GPC5: variants seen among roughly 807,000 people sequenced by gnomAD.
GPC5 encodes glypican 5.
GPC5 carries 47 observed loss-of-function variants against 53.9 expected under a neutral mutation model. The ratio of observed to expected loss-of-function variants is 0.87; its 90% confidence interval spans 0.69 to 1.11. GPC5 has a LOEUF of 1.11. GPC5 is among the 50% of genes most tolerant of loss of function. The probability of loss-of-function intolerance (pLI) is 0.00; values close to 1 mark genes in which losing one functional copy is unlikely to be tolerated. For synonymous variants in GPC5, 286 were observed against 263.3 expected (o/e 1.09, Z -0.84); for missense variants, 748 against 713.1 (o/e 1.05, Z -0.56).
chr13:92,683,395 A>G (rs1887164641), intron 7 of GPC5, among the ~76,000 whole-genome samples: 1 of 152,130 alleles, frequency 6.6e-6, no homozygotes, highest in Admixed American at 6.6e-5. Flanking sequence ...AGTCATGAAG[A>G]AATAGAACAC....
intron 1 of GPC5, among the ~76,000 whole-genome samples, chr13:91,403,265 A>G (rs1877083529): frequency 6.6e-6 from 1 of 152,240 alleles, no homozygotes; most frequent in South Asian, 2.1e-4. Flanking sequence ...AGATTGTAGT[A>G]AAATTAGATT....
intron 5 of GPC5, among the ~76,000 whole-genome samples, chr13:91,840,404 A>C (rs1566297123): frequency 6.6e-6 from 1 of 152,160 alleles, no homozygotes; most frequent in Non-Finnish European, 1.5e-5. Context: ...AAATCAGGTT[A>C]GGGAAGGTGC....
intron 7 of GPC5, among the ~76,000 whole-genome samples, chr13:92,377,423 G>T (rs2043703970): frequency 6.6e-6 from 1 of 152,108 alleles, no homozygotes; most frequent in African/African-American, 2.4e-5. Flanking sequence ...CAAATGATAT[G>T]GAAGTAAAGG....
chr13:91,887,733 C>T (rs2039340725), intron 5 of GPC5, among the ~76,000 whole-genome samples: 1 of 152,188 alleles, frequency 6.6e-6, no homozygotes, highest in Admixed American at 6.5e-5. Context: ...GGTCTACTTC[C>T]CAACAAGCTC....
chr13:92,576,586 A>AT (rs1398409603), intron 7 of GPC5, among the ~76,000 whole-genome samples: 67 of 152,308 alleles, frequency 4.4e-4, no homozygotes, highest in African/African-American at 1.6e-3. Flanking sequence ...ATTAAAAATG[A>AT]ATAACCCTGT....
intron 6 of GPC5, among the ~76,000 whole-genome samples, chr13:92,008,085 C>G (rs1295703637): frequency 1.6e-5 from 2 of 124,160 alleles, no homozygotes; most frequent in Non-Finnish European, 1.6e-5. Flanking sequence ...TTTTTTGAGA[C>G]GGAGTCTCGC....
intron 6 of GPC5, among the ~76,000 whole-genome samples, chr13:91,974,641 C>T (rs2040279963): frequency 2.0e-5 from 3 of 152,140 alleles, no homozygotes; most frequent in Admixed American, 2.0e-4. Flanking sequence ...AATGGAAGAA[C>T]ATTGCATGCT....
At chr13:91,850,756 C>A (rs2038903709) in intron 5 of GPC5, among the ~76,000 whole-genome samples, 1 of 151,876 alleles carries the variant, frequency 6.6e-6, no homozygotes, top group African/African-American at 2.4e-5. Context: ...TATGTCTCTA[C>A]ATATGTAGAA....
At chr13:92,617,538 T>A (rs939626681) in intron 7 of GPC5, among the ~76,000 whole-genome samples, 5 of 152,190 alleles carry the variant, frequency 3.3e-5, no homozygotes, top group African/African-American at 1.2e-4. Flanking sequence ...CTAAATTTCT[T>A]ACCTGAGTCT....
chr13:92,448,384 T>C (rs1191818366), intron 7 of GPC5: 1 of 152,144 alleles, frequency 6.6e-6, no homozygotes, highest in Non-Finnish European at 1.5e-5. Context: ...TACAGTGTGC[T>C]TATAAAATGT....
At chr13:91,607,951 A>T (rs970242625) in intron 2 of GPC5, among the ~76,000 whole-genome samples, 1 of 152,190 alleles carries the variant, frequency 6.6e-6, no homozygotes, top group Non-Finnish European at 1.5e-5. Flanking sequence ...ATTTTCTGAG[A>T]TTCTTTCGAA....
At chr13:92,038,223 C>T (rs973820460) in intron 6 of GPC5, among the ~76,000 whole-genome samples, 11 of 152,000 alleles carry the variant, frequency 7.2e-5, no homozygotes, top group Non-Finnish European at 1.3e-4. Flanking sequence ...CCAGGTGCGA[C>T]TACTGTGGTG....
chr13:92,835,827 C>CT (rs1314062474), intron 7 of GPC5, among the ~76,000 whole-genome samples: 1 of 151,966 alleles, frequency 6.6e-6, no homozygotes, highest in Non-Finnish European at 1.5e-5. Flanking sequence ...CATGACACCC[C>CT]TCTTGCCTGT....
chr13:91,525,141 G>A (rs908614948), intron 2 of GPC5, among the ~76,000 whole-genome samples: 3 of 151,898 alleles, frequency 2.0e-5, no homozygotes, highest in Admixed American at 6.6e-5. Flanking sequence ...CTATACAAAC[G>A]AACTATGTAT....
intron 1 of GPC5, among the ~76,000 whole-genome samples, chr13:91,440,811 AG>A (rs1299719045): frequency 6.6e-6 from 1 of 152,198 alleles, no homozygotes; most frequent in Non-Finnish European, 1.5e-5. Flanking sequence ...ATTTTCATTC[AG>A]TTCCTTCATC....
At chr13:91,641,429 G>A (rs1488337722) in intron 2 of GPC5, among the ~76,000 whole-genome samples, 1 of 152,154 alleles carries the variant, frequency 6.6e-6, no homozygotes, top group Non-Finnish European at 1.5e-5. Flanking sequence ...ACATGGACAC[G>A]GAGGGGAACA....
chr13:91,517,627 A>G (rs913384152), intron 2 of GPC5, among the ~76,000 whole-genome samples: 2 of 152,044 alleles, frequency 1.3e-5, no homozygotes, highest in African/African-American at 4.8e-5. Context: ...TTGCTTCCAC[A>G]TTTTCCAGTA....
chr13:92,298,487 G>A (rs78980793), intron 7 of GPC5, among the ~76,000 whole-genome samples: 4,265 of 152,248 alleles, frequency 0.028, 148 homozygotes, highest in African/African-American at 0.081. Context: ...CAGCAAGCCC[G>A]CAGGGATTTT....
chr13:92,809,098 C>T (rs1414132240), intron 7 of GPC5, among the ~76,000 whole-genome samples: 1 of 152,104 alleles, frequency 6.6e-6, no homozygotes, highest in Non-Finnish European at 1.5e-5. Flanking sequence ...CATTTTGCTT[C>T]ATTTTGCCTC....
Sources: allele counts gnomAD v4.1 joint callset (sites outside exome capture counted in the v4.1 genomes callset), GRCh38; gene constraint gnomAD v4.1.1; transcripts MANE v1.5; gene names NCBI Gene and HGNC (gene_info 2026-07-23, HGNC 2026-07-21).